The following IQCB1 variants were observed in gnomAD, a reference collection of about 807,000 sequenced individuals.
IQCB1 encodes the protein IQ calmodulin-binding motif-containing protein 1.
Under a neutral mutation model 84.4 loss-of-function variants are expected in IQCB1, and 56 were observed. That is an observed-to-expected ratio of 0.66 (90% CI 0.54 to 0.83). The LOEUF is 0.83. Among genes scored for constraint, IQCB1 ranks in the 40% least tolerant of loss-of-function variants. The probability of loss-of-function intolerance (pLI) is 0.00; values close to 1 mark genes in which losing one functional copy is unlikely to be tolerated. For synonymous variants in IQCB1, 210 were observed against 234.8 expected, an observed-to-expected ratio of 0.89 and a Z score of 0.96; for missense variants, 629 against 682.1, an observed-to-expected ratio of 0.92 and a Z score of 0.87.
intron 5 of IQCB1, among the ~76,000 whole-genome samples, chr3:121,810,806 C>A (rs1949798056): frequency 6.6e-6 from 1 of 152,124 alleles, no homozygotes; most frequent in African/African-American, 2.4e-5. Flanking sequence ...CAAAAGAAAT[C>A]AAATCCAACA....
intron 5 of IQCB1, among the ~76,000 whole-genome samples, chr3:121,812,399 G>A (rs572706537): frequency 6.6e-6 from 1 of 152,280 alleles, no homozygotes; most frequent in East Asian, 1.9e-4. Context: ...CCCAGCAAGG[G>A]CAAAAACTGG....
At chr3:121,784,849 T>C (rs1948642321) in intron 12 of IQCB1, among the ~76,000 whole-genome samples, 1 of 152,084 alleles carries the variant, frequency 6.6e-6, no homozygotes, top group Non-Finnish European at 1.5e-5. Flanking sequence ...GCCCAGCTAA[T>C]TTTTTATAGA....
At chr3:121,827,144 T>C (rs189104705) in intron 4 of IQCB1, among the ~76,000 whole-genome samples, 146 of 152,136 alleles carry the variant, frequency 9.6e-4, no homozygotes, top group Non-Finnish European at 1.4e-3. Context: ...TTAACCTAAG[T>C]GAACTAACAC....
chr3:121,834,276 A>G (rs1216636251), intron 2 of IQCB1, 115 bp downstream of exon 2: 4 of 152,218 alleles, frequency 2.6e-5, no homozygotes, highest in African/African-American at 9.6e-5. Context: ...TATGGAAACC[A>G]TCTGTAAACT....
chr3:121,820,890 C>T (rs1950248270), intron 5 of IQCB1, among the ~76,000 whole-genome samples: 1 of 151,840 alleles, frequency 6.6e-6, no homozygotes, highest in Non-Finnish European at 1.5e-5. Flanking sequence ...GTCTCTTCTT[C>T]CGCTCTCTCC....
At chr3:121,797,476 C>G (rs1305781318) in intron 8 of IQCB1, among the ~76,000 whole-genome samples, 1 of 122,566 alleles carries the variant, frequency 8.2e-6, no homozygotes, top group South Asian at 2.6e-4. Flanking sequence ...TCTGTCTAGA[C>G]AATCTCTTTA....
In IQCB1 at chr3:121,781,663, A is replaced by AAT. The variant is rs1553709033; in HGVS notation, c.1410+78_1410+79dup. ...CACACACACACACACACACACACAC[A>AAT]ATATATGTGTGTGTGTGTACAGTTA... On this transcript the variant is annotated intron_variant, in intron 13 of 14. Transcript: ENST00000310864. 81,214 of 1,023,574 alleles carry AAT rather than the reference A, an allele frequency of 0.079. 2,668 individuals carry two copies. The highest frequency in any genetic ancestry group is 0.12 in the South Asian group (8,900 of 74,236). 63.4% of individuals were successfully genotyped at this position (1,023,574 alleles called of 1,614,324 possible). A position where few individuals can be genotyped will look rare whatever the true frequency, so the allele number is the denominator to read the frequency against.
chr3:121,772,471 TA>T, intron 14 of IQCB1, 85 bp downstream of exon 14: 1 of 1,350,414 alleles, frequency 7.4e-7, no homozygotes, highest in Non-Finnish European at 1.1e-6. Context: ...AGATGCTTAG[TA>T]ATGGTTTCCT....
intron 10 of IQCB1, among the ~76,000 whole-genome samples, chr3:121,790,750 C>T (rs1358910358): frequency 1.3e-5 from 2 of 151,156 alleles, no homozygotes; most frequent in African/African-American, 4.9e-5. Context: ...AGAATGACAT[C>T]AAAATTGTGT....
At chr3:121,812,286 C>G (rs1417925957) in intron 5 of IQCB1, among the ~76,000 whole-genome samples, 1 of 152,150 alleles carries the variant, frequency 6.6e-6, no homozygotes, top group East Asian at 1.9e-4. Context: ...CATCGAAGAT[C>G]AAAGGTAGAC....
chr3:121,829,242 G>C (rs1425513679), intron 2 of IQCB1, among the ~76,000 whole-genome samples: 1 of 152,128 alleles, frequency 6.6e-6, no homozygotes, highest in Non-Finnish European at 1.5e-5. Context: ...ACTGTGATAG[G>C]AGCTTCACAT....
At chr3:121,772,391 G>A (rs147131956) in intron 14 of IQCB1, among the ~76,000 whole-genome samples, 166 bp downstream of exon 14, 23 of 152,256 alleles carry the variant, frequency 1.5e-4, no homozygotes, top group East Asian at 1.9e-4. Flanking sequence ...TATAAAATCC[G>A]CATCATTTGA....
At chr3:121,822,855 G>A (rs946321633) in intron 5 of IQCB1, among the ~76,000 whole-genome samples, 2 of 152,104 alleles carry the variant, frequency 1.3e-5, no homozygotes, top group African/African-American at 4.8e-5. Flanking sequence ...AGGAAGATAC[G>A]AATTTCTACA....
intron 10 of IQCB1, among the ~76,000 whole-genome samples, chr3:121,793,114 A>G (rs1949057555): frequency 6.6e-6 from 1 of 152,240 alleles, no homozygotes; most frequent in East Asian, 1.9e-4. Context: ...TCTGCATTTA[A>G]GAAGCTCAGT....
rs189708164 is a variant in IQCB1, at chr3:121,808,568, C to T, written c.487+348G>A. ...ATATCCACCCTGAACATAGGGATTT[C>T]TCTCATGATAGGTCTAAAACACTGA... is the stretch of plus-strand genomic sequence containing the variant. On this transcript the variant is annotated intron_variant, in intron 6 of 14. Transcript: ENST00000310864. 7.2e-5 allele frequency among the ~76,000 whole-genome samples: 11 copies of T among 152,010 alleles called. No homozygotes were observed. The East Asian group carries it at 1.9e-3, about 27-fold the overall frequency.
chr3:121,781,227 G>A (rs570114322), intron 13 of IQCB1, among the ~76,000 whole-genome samples: 6 of 152,266 alleles, frequency 3.9e-5, no homozygotes, highest in African/African-American at 1.4e-4. Context: ...AGAATAACAG[G>A]TGACCTGCCA....
intron 12 of IQCB1, among the ~76,000 whole-genome samples, chr3:121,782,542 G>GT (rs966369295): frequency 3.2e-4 from 48 of 151,546 alleles, no homozygotes; most frequent in Admixed American, 3.3e-4. Context: ...TTTTGTTTTT[G>GT]TTTTTTTTGT....
intron 5 of IQCB1, among the ~76,000 whole-genome samples, chr3:121,816,997 T>C (rs1950087599): frequency 6.6e-6 from 1 of 152,162 alleles, no homozygotes; most frequent in South Asian, 2.1e-4. Context: ...CAGCAAAGTC[T>C]TGGAACCAAA....
chr3:121,819,139 T>C lies in IQCB1; in HGVS notation c.393+6912A>G, dbSNP rs1372193952. On this transcript the variant is annotated intron_variant, in intron 5 of 14. Transcript: ENST00000310864. ...GTGCTTTATTTATATTATTATTACA[T>C]TGTAATACATAATGAAATAATTATA... Among the ~76,000 whole-genome samples the C allele has an allele frequency of 2.0e-5, 3 of 152,268 alleles. No homozygotes were observed. In the East Asian group the frequency reaches 5.8e-4, roughly 29 times the overall value.
Sources: allele counts gnomAD v4.1 joint callset (sites outside exome capture counted in the v4.1 genomes callset), GRCh38; gene constraint gnomAD v4.1.1; transcripts MANE v1.5; gene names NCBI Gene and HGNC (gene_info 2026-07-23, HGNC 2026-07-21).